The following UBAC2 variants were observed in gnomAD, a reference collection of about 807,000 sequenced individuals.
The protein encoded by UBAC2 is UBA domain containing 2.
A neutral mutation model predicts 44.0 loss-of-function variants in UBAC2; 26 were observed. The ratio of observed to expected loss-of-function variants is 0.59; its 90% CI spans 0.43 to 0.82. The LOEUF (loss-of-function observed/expected upper bound fraction) is 0.82. Among genes scored for constraint, UBAC2 ranks in the 40% least tolerant of loss-of-function variants. The probability of loss-of-function intolerance (pLI) is 0.00; values close to 1 mark genes in which losing one functional copy is unlikely to be tolerated. For missense variants in UBAC2, 329 were observed against 419.4 expected, an observed-to-expected ratio of 0.78 and a Z score of 1.88; for synonymous variants, 155 against 154.3, an observed-to-expected ratio of 1.00 and a Z score of -0.04.
chr13:99,218,224 A>G (rs1194782962), intron 1 of UBAC2, among the ~76,000 whole-genome samples: 3 of 152,218 alleles, frequency 2.0e-5, no homozygotes, highest in Non-Finnish European at 4.4e-5. Flanking sequence ...TAATGTTTGT[A>G]TAAAATCTCC....
intron 4 of UBAC2, among the ~76,000 whole-genome samples, chr13:99,293,099 T>A (rs1233556376): frequency 1.3e-5 from 2 of 152,176 alleles, no homozygotes; most frequent in Admixed American, 6.5e-5. Context: ...TACAGACTTG[T>A]AAGAAAACAT....
intron 8 of UBAC2, among the ~76,000 whole-genome samples, chr13:99,369,407 G>T (rs574955645): frequency 3.9e-5 from 6 of 152,292 alleles, no homozygotes; most frequent in African/African-American, 1.2e-4. Context: ...GCTGGGCAGC[G>T]ACTGTGAACC....
intron 4 of UBAC2, among the ~76,000 whole-genome samples, chr13:99,300,502 A>G (rs910796486): frequency 2.0e-5 from 3 of 152,214 alleles, no homozygotes; most frequent in Admixed American, 2.0e-4. Flanking sequence ...GACTGTTACT[A>G]TCCCATTCTT....
intron 6 of UBAC2, among the ~76,000 whole-genome samples, chr13:99,320,264 T>C (rs796570730): frequency 5.9e-5 from 9 of 152,336 alleles, no homozygotes; most frequent in African/African-American, 2.2e-4. Context: ...TTATATGTTA[T>C]GATTATAGTC....
intron 4 of UBAC2, among the ~76,000 whole-genome samples, chr13:99,249,047 CA>C (rs768771112): frequency 3.3e-5 from 5 of 152,062 alleles, no homozygotes; most frequent in Non-Finnish European, 7.4e-5. Flanking sequence ...CTTTCAGATT[CA>C]GGGGGTACAT....
At chr13:99,333,391 A>G (rs1239439905) in intron 6 of UBAC2, among the ~76,000 whole-genome samples, 3 of 152,264 alleles carry the variant, frequency 2.0e-5, no homozygotes, top group African/African-American at 7.2e-5. Context: ...CATATGGGAA[A>G]GTATAAACTT....
chr13:99,376,133 G>T (rs1057447521), intron 8 of UBAC2, among the ~76,000 whole-genome samples: 1 of 151,988 alleles, frequency 6.6e-6, no homozygotes, highest in Non-Finnish European at 1.5e-5. Context: ...CCATCTCTAG[G>T]GTGTTTTCCT....
intron 6 of UBAC2, 151 bp downstream of exon 6, chr13:99,318,220 T>C: frequency 3.7e-6 from 3 of 803,060 alleles, no homozygotes; most frequent in Non-Finnish European, 4.2e-6. Flanking sequence ...CAGGCTGGAG[T>C]GCAATGGCTC....
chr13:99,339,141 G>A (rs1403322315), intron 6 of UBAC2, among the ~76,000 whole-genome samples: 1 of 152,028 alleles, frequency 6.6e-6, no homozygotes, highest in Non-Finnish European at 1.5e-5. Flanking sequence ...CCACTCAGTA[G>A]CCCCCCAAGA....
intron 4 of UBAC2, chr13:99,254,739 TAA>T: frequency 1.5e-6 from 1 of 671,902 alleles, no homozygotes; most frequent in South Asian, 2.3e-5. Context: ...ATGTTTTATA[TAA>T]GTTTTTAAAA....
intron 4 of UBAC2, among the ~76,000 whole-genome samples, chr13:99,309,187 T>C (rs1433059820): frequency 6.6e-6 from 1 of 152,034 alleles, no homozygotes; most frequent in African/African-American, 2.4e-5. Context: ...GTCGGCTCAC[T>C]GCAACCTCCA....
rs773044444 is a variant in UBAC2 at position 99,340,446 on chromosome 13, G to A, written c.688G>A (p.Glu230Lys). Residue 230 changes from glutamate (E) to lysine (K), a missense_variant, in exon 7 of 9, where the codon GAA (glutamate) becomes AAA (lysine). Transcript: ENST00000403766. ...PIFSSSEPTS[E>K]ARIGMGATLD... Reference sequence around the variant, plus strand: ...CTTCTCTTCTTCAGAACCCACCAGCGAAGCCAGAATTGGGATGGGAGCCAC... The same window carrying A: ...CTTCTCTTCTTCAGAACCCACCAGCAAAGCCAGAATTGGGATGGGAGCCAC... 7 of 1,614,042 alleles carry A rather than the reference G, an allele frequency of 4.3e-6. No individual in the cohort carries two copies. The highest frequency in any genetic ancestry group is 1.3e-5 in the African/African-American group (1 of 74,898).
At chr13:99,318,550 G>A (rs1055047082) in intron 6 of UBAC2, among the ~76,000 whole-genome samples, 3 of 150,808 alleles carry the variant, frequency 2.0e-5, no homozygotes, top group African/African-American at 7.3e-5. Context: ...GCCAGGCGCA[G>A]TGACTCACGC....
intron 6 of UBAC2, among the ~76,000 whole-genome samples, chr13:99,324,623 C>G (rs540747300): frequency 6.6e-6 from 1 of 152,282 alleles, no homozygotes; most frequent in South Asian, 2.1e-4. Flanking sequence ...TTAATTAGCC[C>G]TCATAAAAAC....
At chr13:99,255,961 C>T in intron 4 of UBAC2, 1 of 1,270,226 alleles carries the variant, frequency 7.9e-7, no homozygotes, top group Non-Finnish European at 1.1e-6. Context: ...AAAATAAATG[C>T]TTAACATTCT....
intron 1 of UBAC2, chr13:99,201,421 T>G (rs745802609): frequency 2.5e-6 from 4 of 1,612,636 alleles, no homozygotes; most frequent in Non-Finnish European, 3.4e-6. Context: ...GATGTGTTTC[T>G]TCTTCAGTCT....
At chr13:99,383,025 T>C (rs2045571126) in intron 8 of UBAC2, among the ~76,000 whole-genome samples, 1 of 152,170 alleles carries the variant, frequency 6.6e-6, no homozygotes, top group South Asian at 2.1e-4. Context: ...AATCAAGAGC[T>C]GTGGCATTGT....
In UBAC2 at chr13:99,338,039, CTTTTTTTCTTTTTT is replaced by C. The variant is rs1244832014; in HGVS notation, c.562-2273_562-2260del. Among the ~76,000 whole-genome samples the C allele has an allele frequency of 8.7e-3, 796 of 91,498 alleles. 33 individuals are homozygous for C. The highest frequency in any genetic ancestry group is 0.037 in the African/African-American group (735 of 19,800). The allele number at this position is 91,498 out of a possible 152,430, so 60.0% of individuals were successfully genotyped here. A position where few individuals can be genotyped will look rare whatever the true frequency, so the allele number is the denominator to read the frequency against. On this transcript the variant is annotated intron_variant, in intron 6 of 8. Coordinates refer to ENST00000403766, the MANE Select transcript of UBAC2 (RefSeq NM_001144072.2). Reference sequence around the variant, plus strand: ...GCAAAAAAATCTCCTAACTTTTTTTCTTTTTTTCTTTTTTTTTTTTTTTTTTTTTTTTTTTTGAG... The same window carrying C: ...GCAAAAAAATCTCCTAACTTTTTTTCTTTTTTTTTTTTTTTTTTTTTTGAG...
intron 2 of UBAC2, among the ~76,000 whole-genome samples, chr13:99,239,886 A>G (rs1045726632): frequency 2.6e-5 from 4 of 152,210 alleles, no homozygotes; most frequent in East Asian, 1.9e-4. Flanking sequence ...GGGGTGATCA[A>G]GGAAATAGGG....
Sources: gnomAD v4.1 joint callset for allele counts (sites outside exome capture counted in the v4.1 genomes callset) on GRCh38, gnomAD v4.1.1 for gene constraint, MANE v1.5 for transcripts, NCBI Gene and HGNC (gene_info 2026-07-23, HGNC 2026-07-21) for gene names.